PRKAG3: variants seen among roughly 807,000 people sequenced by gnomAD.
PRKAG3 encodes 5'-AMP-activated protein kinase subunit gamma-3.
PRKAG3 carries 39 observed loss-of-function variants against 56.5 expected under a neutral mutation model. That is an observed-to-expected ratio of 0.69 (90% CI 0.53 to 0.90). The LOEUF is 0.90. Ranked by LOEUF, PRKAG3 falls within the 40% of genes least tolerant of loss-of-function variation. The pLI is 0.00. For missense variants in PRKAG3, 628 were observed against 627.5 expected (o/e 1.00, Z -0.01); for synonymous variants, 243 against 250.1 (o/e 0.97, Z 0.27).
chr2:218,828,473 C>T (rs749943422), intron 5 of PRKAG3, 46 bp downstream of exon 5: 3 of 1,536,588 alleles, frequency 2.0e-6, no homozygotes, highest in Non-Finnish European at 2.7e-6. Context: ...ACAAGATCTC[C>T]CCCTCACCTC....
At chr2:218,828,784 C>T (rs1196224555) in intron 4 of PRKAG3, among the ~76,000 whole-genome samples, 184 bp from the exon 5 acceptor site, 1 of 152,196 alleles carries the variant, frequency 6.6e-6, no homozygotes, top group Non-Finnish European at 1.5e-5. Context: ...TGTCACAGTA[C>T]ACGCTAGACA....
In PRKAG3 at chr2:218,824,164, G is replaced by A. The variant is rs532636147; in HGVS notation, c.1353+58C>T. 35 of 1,612,930 alleles carry A rather than the reference G, an allele frequency of 2.2e-5. No homozygotes were observed. The South Asian group carries it at 2.6e-4, about 12-fold the overall frequency. On this transcript the variant is annotated intron_variant, in intron 12 of 12. Coordinates refer to ENST00000529249, the Ensembl canonical transcript of PRKAG3. ...CCGATGTTCAGGGATGGCTGGAGCC[G>A]TGCATGAGAAGGACTGGGCTATATG...
rs999193514 is a variant in PRKAG3 at position 218,827,359 on chromosome 2, A to G, written c.890T>C (p.Val297Ala). 1 of 1,614,140 alleles carries G rather than the reference A, an allele frequency of 6.2e-7. No homozygotes were observed. The highest frequency in any genetic ancestry group is 1.7e-5 in the Admixed American group (1 of 60,020). ...GATCCGGTTCTTGATGAGGGTGTAGACAGCTTCAAACAGGCTGCAGAGATG... is the reference window on the plus strand; with the variant it reads ...GATCCGGTTCTTGATGAGGGTGTAGGCAGCTTCAAACAGGCTGCAGAGATG... Residue 297 changes from valine to alanine, a missense_variant, in exon 9 of 13, where the codon GTC becomes GCC. Physicochemically the swap from Val to Ala is moderately conservative, Grantham distance 64. Coordinates refer to ENST00000529249, the Ensembl canonical transcript of PRKAG3. The surrounding 1 kb of genome is among the most constrained non-coding windows in gnomAD (Gnocchi z 5.3).
intron 10 of PRKAG3, 76 bp from the exon 11 acceptor site, chr2:218,824,652 G>T: frequency 7.5e-7 from 1 of 1,336,718 alleles, no homozygotes; most frequent in African/African-American, 1.4e-5. Context: ...GTGCTGTGTA[G>T]AGGGCCTAGG....
chr2:218,822,423 C>T (rs566909060), downstream of PRKAG3: 73 of 152,308 alleles, frequency 4.8e-4, no homozygotes, highest in African/African-American at 1.7e-3. Context: ...CATTTTCCTT[C>T]TAGTCTTTGA....
chr2:218,827,251 A>G lies in PRKAG3; in HGVS notation c.998T>C (p.Ile333Thr). 1 of 1,614,102 alleles carries G rather than the reference A, an allele frequency of 6.2e-7. No individual in the cohort carries two copies. Among genetic ancestry groups the G allele is most frequent in the South Asian group, 1.1e-5 (1 of 91,080 alleles). ...CCCACCTGGGCCCAGGCTTACAAAG[A>G]TGTGCAGGAACTTGAGCAGGCGTTT... is the stretch of plus-strand genomic sequence containing the variant. The change falls in exon 9 of 13, where the codon ATC becomes ACC. Residue 333 changes from isoleucine to threonine, a missense_variant. Coordinates refer to ENST00000529249, the Ensembl canonical transcript of PRKAG3. The surrounding 1 kb of genome is among the most constrained non-coding windows in gnomAD (Gnocchi z 5.3).
chr2:218,827,870 G>T lies in PRKAG3; in HGVS notation c.783C>A (p.Ile261=), dbSNP rs1388339667. Residue 261 remains isoleucine (I), a synonymous_variant, in exon 7 of 13, where the codon ATC becomes ATA. Transcript: ENST00000529249. The surrounding 1 kb of genome is among the most constrained non-coding windows in gnomAD (Gnocchi z 5.3). ...CAATCTTATGTTGTTCAATCTCATAGATCTGGACCTAGAGACATCGACAGG... is the reference window on the plus strand; with the variant it reads ...CAATCTTATGTTGTTCAATCTCATATATCTGGACCTAGAGACATCGACAGG... The T allele has an allele frequency of 6.2e-7, 1 of 1,614,072 alleles. No individual in the cohort carries two copies. Among genetic ancestry groups the T allele is most frequent in the South Asian group, 1.1e-5 (1 of 91,072 alleles).
chr2:218,824,265 T>A (rs748285903), exon 12 of PRKAG3: 1 of 1,613,972 alleles, frequency 6.2e-7, no homozygotes, highest in Non-Finnish European at 8.5e-7. Context: ...CAAGCTCTCG[T>A]GGGGCTGGCA....
chr2:218,827,364 T>G lies in PRKAG3; in HGVS notation c.885A>C (p.Glu295Asp). Residue 295 changes from glutamate (E) to aspartate (D), a missense_variant, in exon 9 of 13, where the codon GAA becomes GAC. Coordinates refer to ENST00000529249, the Ensembl canonical transcript of PRKAG3. The surrounding 1 kb of genome is among the most constrained non-coding windows in gnomAD (Gnocchi z 5.3). ...GGTTCTTGATGAGGGTGTAGACAGC[T>G]TCAAACAGGCTGCAGAGATGGGAGC... 6.2e-7 allele frequency: 1 copy of G among 1,614,044 alleles called. No individual in the cohort carries two copies. The highest frequency in any genetic ancestry group is 8.5e-7 in the Non-Finnish European group (1 of 1,179,996).
intron 11 of PRKAG3, 34 bp from the exon 12 acceptor site, chr2:218,824,402 C>A (rs201149604): frequency 1.2e-6 from 2 of 1,613,992 alleles, no homozygotes; most frequent in Non-Finnish European, 1.7e-6. Context: ...CTCCTAGTCA[C>A]CCCCTTGCCT....
intron 4 of PRKAG3, among the ~76,000 whole-genome samples, chr2:218,829,673 C>T (rs372806600): frequency 2.9e-4 from 44 of 152,178 alleles, no homozygotes; most frequent in African/African-American, 1.0e-3. Flanking sequence ...ACTGGGTAGT[C>T]CAAGAATCCT....
In PRKAG3 at chr2:218,831,767, C is replaced by A; in HGVS notation, c.4G>T (p.Glu2Ter). The A allele has an allele frequency of 6.2e-7, 1 of 1,610,240 alleles. No individual in the cohort carries two copies. The highest frequency in any genetic ancestry group is 1.1e-5 in the South Asian group (1 of 89,842). Residue 2 changes from glutamate (E) to a stop codon, truncating the protein, a stop_gained, in exon 1 of 13, where the codon GAG becomes TAG. Transcript: ENST00000529249. LOFTEE classifies it high-confidence loss of function. ...CGCAGTGCGTGCTCCAGCCCGGGCTCCATGTGGCCAGCCCCAGACCAACTG... is the reference window on the plus strand; with the variant it reads ...CGCAGTGCGTGCTCCAGCCCGGGCTACATGTGGCCAGCCCCAGACCAACTG...
At chr2:218,830,648 G>C (rs1173884693) in intron 3 of PRKAG3, 98 bp downstream of exon 3, 1 of 1,428,620 alleles carries the variant, frequency 7.0e-7, no homozygotes, top group Non-Finnish European at 9.5e-7. Flanking sequence ...GTCCAACTCT[G>C]TGTTATGGAG....
At position 218,827,560 on chromosome 2, in the gene PRKAG3, A is replaced by G. The variant is rs767995599; in HGVS notation, c.875+15T>C. ...TGGGAGGAGGAGGCTCAGGTGAATG[A>G]GCAGAGACACCCACCTATCATTAGG... On this transcript the variant is annotated intron_variant, in intron 8 of 12. Transcript: ENST00000529249. This position sits in a 1 kb window ranked among gnomAD's most constrained non-coding sequence, Gnocchi z 5.3. 6.2e-7 allele frequency: 1 copy of G among 1,612,814 alleles called. No individual in the cohort carries two copies. Among genetic ancestry groups the G allele is most frequent in the Non-Finnish European group, 8.5e-7 (1 of 1,178,898 alleles).
chr2:218,831,626 C>A (rs2105990296), intron 1 of PRKAG3, 112 bp downstream of exon 1: 1 of 1,411,514 alleles, frequency 7.1e-7, no homozygotes, highest in South Asian at 1.2e-5. Context: ...CGAGAAAATC[C>A]AGACCAAACA....
At chr2:218,826,871 C>T (rs943378668) in intron 10 of PRKAG3, 57 bp downstream of exon 10, 16 of 1,602,454 alleles carry the variant, frequency 1.0e-5, no homozygotes, top group Non-Finnish European at 1.4e-5. Context: ...ATATTCTCCC[C>T]ACCAGGTTCT....
intron 1 of PRKAG3, 33 bp downstream of exon 1, chr2:218,831,705 G>A (rs766933601): frequency 6.2e-7 from 1 of 1,604,052 alleles, no homozygotes; most frequent in Admixed American, 1.7e-5. Context: ...GGCCTCAGCT[G>A]CCCCGGCTCC....
downstream of PRKAG3, chr2:218,822,525 T>A (rs1943860966): frequency 6.6e-6 from 1 of 152,206 alleles, no homozygotes; most frequent in African/African-American, 2.4e-5. Flanking sequence ...CATGGATTGT[T>A]CCTTTTGTTT....
Position 218,827,435 on chromosome 2 carries a change from C to A in PRKAG3, c.876-62G>T. The A allele has an allele frequency of 6.2e-7, 1 of 1,612,414 alleles. No homozygotes were observed. Among genetic ancestry groups the A allele is most frequent in the Non-Finnish European group, 8.5e-7 (1 of 1,178,720 alleles). On this transcript the variant is annotated intron_variant, in intron 8 of 12. Transcript: ENST00000529249. This position sits in a 1 kb window ranked among gnomAD's most constrained non-coding sequence, Gnocchi z 5.3. Reference sequence around the variant, plus strand: ...AGGGAGAGACAACCTCCATCCCAGGCCCCTAAAAAGGAGGGCAGGGCACCA... The same window carrying A: ...AGGGAGAGACAACCTCCATCCCAGGACCCTAAAAAGGAGGGCAGGGCACCA...
Sources: allele counts gnomAD v4.1 joint callset (sites outside exome capture counted in the v4.1 genomes callset), GRCh38; gene constraint gnomAD v4.1.1; non-coding constraint Gnocchi (gnomAD v3.1); transcripts MANE v1.5; gene names NCBI Gene and HGNC (gene_info 2026-07-23, HGNC 2026-07-21).